CDH2: variants seen among roughly 807,000 people sequenced by gnomAD.
CDH2 encodes the protein cadherin 2.
In CDH2, 17 loss-of-function variants were observed where a neutral mutation model predicts 92.0. The observed-to-expected ratio is 0.18, with a 90% CI of 0.13 to 0.28. The LOEUF is 0.28. Among genes scored for constraint, CDH2 ranks in the 10% least tolerant of loss-of-function variants. The pLI, the probability that CDH2 is intolerant of heterozygous loss-of-function variation, is 1.00. For missense variants in CDH2, 862 were observed against 1,133.1 expected, an observed-to-expected ratio of 0.76 and a Z score of 3.44; for synonymous variants, 419 against 415.9, an observed-to-expected ratio of 1.01 and a Z score of -0.09.
intron 2 of CDH2, among the ~76,000 whole-genome samples, chr18:28,083,604 C>T (rs932737721): frequency 3.3e-5 from 5 of 152,064 alleles, no homozygotes; most frequent in African/African-American, 4.8e-5. Context: ...AAGAACTAGC[C>T]TACAGATTTT....
At chr18:28,098,928 T>A (rs1451880307) in intron 2 of CDH2, among the ~76,000 whole-genome samples, 1 of 152,096 alleles carries the variant, frequency 6.6e-6, no homozygotes, top group African/African-American at 2.4e-5. Context: ...TTTTCAGATA[T>A]GGACTTCACA....
rs560419657 is a variant in CDH2 at position 28,061,022 on chromosome 18, CTG to C, written c.173-47115_173-47114del. Among the ~76,000 whole-genome samples, 5 of 152,316 alleles carry C rather than the reference CTG, an allele frequency of 3.3e-5. No individual in the cohort carries two copies. The South Asian group carries it at 8.3e-4, about 25-fold the overall frequency. On this transcript the variant is annotated intron_variant, in intron 2 of 15. Transcript: ENST00000269141. ...AAACTAGCACTAACACTAAAAATGA[CTG>C]TGAGACAAGTTAAACTTTCTTTTGC...
At chr18:27,999,977 G>A (rs1013345154) in intron 7 of CDH2, among the ~76,000 whole-genome samples, 4 of 151,880 alleles carry the variant, frequency 2.6e-5, no homozygotes, top group African/African-American at 4.8e-5. Flanking sequence ...CTCTCCTTCC[G>A]CCCTGTGAAG....
rs1383199061 is a variant in CDH2, at chr18:28,045,388, T to C, written c.173-31479A>G. On this transcript the variant is annotated intron_variant, in intron 2 of 15. Coordinates refer to ENST00000269141, the MANE Select transcript of CDH2 (RefSeq NM_001792.5). ...GTTTAAACTTATAAATAGCTCTCCA[T>C]TGATTAGAAAAGAAAGACCTACTCC... The C allele has an allele frequency of 2.1e-5, 10 of 467,270 alleles. No individual in the cohort carries two copies. In the East Asian group the frequency reaches 4.9e-4, roughly 23 times the overall value. 28.9% of individuals were successfully genotyped at this position (467,270 alleles called of 1,614,324 possible). A position where few individuals can be genotyped will look rare whatever the true frequency, so the allele number is the denominator to read the frequency against.
At chr18:27,991,210 T>C (rs938020631) in intron 9 of CDH2, among the ~76,000 whole-genome samples, 3 of 152,168 alleles carry the variant, frequency 2.0e-5, no homozygotes, top group Non-Finnish European at 4.4e-5. Flanking sequence ...CAAATAAGCA[T>C]TACTGTGCAG....
chr18:28,152,410 G>A (rs2016138075), intron 1 of CDH2, among the ~76,000 whole-genome samples: 1 of 152,176 alleles, frequency 6.6e-6, no homozygotes, highest in African/African-American at 2.4e-5. Flanking sequence ...TTTAATGTGG[G>A]AGGTTAAGAT....
At chr18:28,057,844 G>T (rs2014324333) in intron 2 of CDH2, among the ~76,000 whole-genome samples, 1 of 152,112 alleles carries the variant, frequency 6.6e-6, no homozygotes, top group African/African-American at 2.4e-5. Flanking sequence ...CTGAACAGTT[G>T]CCTGGTCTTG....
At chr18:28,035,606 T>A (rs1238998640) in intron 2 of CDH2, among the ~76,000 whole-genome samples, 4 of 152,120 alleles carry the variant, frequency 2.6e-5, no homozygotes, top group Non-Finnish European at 5.9e-5. Flanking sequence ...AAAGGAGACG[T>A]ATGTAACACA....
intron 2 of CDH2, among the ~76,000 whole-genome samples, chr18:28,133,462 G>C (rs1382494315): frequency 6.6e-6 from 1 of 151,324 alleles, no homozygotes; most frequent in Non-Finnish European, 1.5e-5. Flanking sequence ...GGTGCCTGCG[G>C]TCCCAGCTAC....
intron 2 of CDH2, among the ~76,000 whole-genome samples, chr18:28,021,058 T>A (rs2013397826): frequency 6.6e-6 from 1 of 151,956 alleles, no homozygotes; most frequent in African/African-American, 2.4e-5. Context: ...TGTCTCGTTG[T>A]CAATATCCCC....
intron 2 of CDH2, among the ~76,000 whole-genome samples, chr18:28,089,382 CA>C (rs2014995875): frequency 1.3e-5 from 2 of 152,176 alleles, no homozygotes; most frequent in Non-Finnish European, 2.9e-5. Context: ...TAACCAATCA[CA>C]TATATTTCTT....
rs1236816698 is a variant in CDH2, at chr18:28,064,912, G to A, written c.173-51003C>T. On this transcript the variant is annotated intron_variant, in intron 2 of 15. Coordinates refer to ENST00000269141, the MANE Select transcript of CDH2 (RefSeq NM_001792.5). ...CATTACTCAGGGCCTGAAAGTGAGG[G>A]TCCTGAACCTTGAACTTCCCTAGCT... is the stretch of plus-strand genomic sequence containing the variant. 2.6e-5 allele frequency among the ~76,000 whole-genome samples: 4 copies of A among 151,988 alleles called. No homozygotes were observed. The East Asian group carries it at 5.8e-4, about 22-fold the overall frequency.
chr18:27,939,361 T>C (rs1000500145), intron 6 of CDH2, among the ~76,000 whole-genome samples: 2 of 152,222 alleles, frequency 1.3e-5, no homozygotes, highest in African/African-American at 2.4e-5. Context: ...GCTGAATCTC[T>C]ACCTGATTTC....
chr18:27,999,855 C>A (rs1306585653), intron 7 of CDH2, among the ~76,000 whole-genome samples: 2 of 151,844 alleles, frequency 1.3e-5, no homozygotes, highest in Non-Finnish European at 2.9e-5. Flanking sequence ...GTGGAGGTAA[C>A]TGAATCATGG....
At chr18:28,163,644 A>G (rs1005739224) in intron 1 of CDH2, among the ~76,000 whole-genome samples, 1 of 152,400 alleles carries the variant, frequency 6.6e-6, no homozygotes, top group Non-Finnish European at 1.5e-5. Context: ...AGTAAATTGT[A>G]CCATATTCAT....
chr18:28,125,922 A>G (rs1057367241), intron 2 of CDH2, among the ~76,000 whole-genome samples: 1 of 152,162 alleles, frequency 6.6e-6, no homozygotes, highest in Non-Finnish European at 1.5e-5. Flanking sequence ...TTAATTTTGA[A>G]CTGAAAATAG....
chr18:28,148,758 C>T (rs2016076748), intron 1 of CDH2, among the ~76,000 whole-genome samples: 1 of 152,122 alleles, frequency 6.6e-6, no homozygotes, highest in South Asian at 2.1e-4. Context: ...AGGGAAGTCC[C>T]AGAAACAGAG....
chr18:28,061,199 C>T (rs2014396055), intron 2 of CDH2, among the ~76,000 whole-genome samples: 1 of 152,182 alleles, frequency 6.6e-6, no homozygotes, highest in South Asian at 2.1e-4. Flanking sequence ...TGTACTTTTA[C>T]TAGTTGTCTT....
chr18:28,006,900 A>G (rs1185194424), intron 5 of CDH2, among the ~76,000 whole-genome samples: 2 of 151,518 alleles, frequency 1.3e-5, no homozygotes, highest in Non-Finnish European at 2.9e-5. Context: ...GGGCACAGTG[A>G]GTAGCTCATG....
Sources: gnomAD v4.1 joint callset for allele counts (sites outside exome capture counted in the v4.1 genomes callset) on GRCh38, gnomAD v4.1.1 for gene constraint, MANE v1.5 for transcripts, NCBI Gene and HGNC (gene_info 2026-07-23, HGNC 2026-07-21) for gene names.